SEMA6D: variants seen among roughly 807,000 people sequenced by gnomAD.
SEMA6D encodes semaphorin 6D.
SEMA6D carries 35 observed loss-of-function variants against 106.6 expected under a neutral mutation model. The ratio of observed to expected loss-of-function variants is 0.33; its 90% CI spans 0.25 to 0.44. SEMA6D has a LOEUF of 0.44. Among genes scored for constraint, SEMA6D ranks in the 20% least tolerant of loss-of-function variants. The pLI is 1.00. For missense variants in SEMA6D, 1,185 were observed against 1,345.9 expected (o/e 0.88, Z 1.87); for synonymous variants, 499 against 487.7 (o/e 1.02, Z -0.31).
intron 1 of SEMA6D, among the ~76,000 whole-genome samples, chr15:47,720,213 T>G (rs1022071486): frequency 6.8e-6 from 1 of 148,022 alleles, no homozygotes; most frequent in African/African-American, 2.4e-5. Context: ...CTACAGAATA[T>G]TCCTACCTGG....
chr15:47,193,474 C>T (rs1015966108), intron 1 of SEMA6D, among the ~76,000 whole-genome samples: 1 of 152,078 alleles, frequency 6.6e-6, no homozygotes, highest in African/African-American at 2.4e-5. Context: ...CTTGTAATCT[C>T]AAGAATAAGG....
At chr15:47,501,115 T>C (rs2043833946) in intron 3 of SEMA6D, among the ~76,000 whole-genome samples, 1 of 152,006 alleles carries the variant, frequency 6.6e-6, no homozygotes, top group Non-Finnish European at 1.5e-5. Flanking sequence ...CAGAAAAAAA[T>C]ATTTTCTCCT....
chr15:47,288,248 T>C (rs2142752674), intron 1 of SEMA6D, among the ~76,000 whole-genome samples: 1 of 152,258 alleles, frequency 6.6e-6, no homozygotes, highest in East Asian at 1.9e-4. Context: ...TCCATTTCTA[T>C]CTTGGCTTGC....
intron 3 of SEMA6D, among the ~76,000 whole-genome samples, chr15:47,555,370 A>G (rs983574647): frequency 1.3e-5 from 2 of 152,168 alleles, no homozygotes; most frequent in Admixed American, 1.3e-4. Context: ...CATTCATGCC[A>G]TGAAAACTGA....
At chr15:47,198,986 G>A (rs539718593) in intron 1 of SEMA6D, among the ~76,000 whole-genome samples, 1 of 152,298 alleles carries the variant, frequency 6.6e-6, no homozygotes, top group Non-Finnish European at 1.5e-5. Context: ...GGAAAAAGAT[G>A]TGGAAGAGAA....
intron 3 of SEMA6D, among the ~76,000 whole-genome samples, chr15:47,541,664 T>C (rs2045359057): frequency 6.6e-6 from 1 of 152,184 alleles, no homozygotes; most frequent in Admixed American, 6.5e-5. Context: ...AAAAACAGAA[T>C]CCTGTATCTA....
At chr15:47,228,565 A>G (rs976670905) in intron 1 of SEMA6D, among the ~76,000 whole-genome samples, 15 of 151,982 alleles carry the variant, frequency 9.9e-5, no homozygotes, top group Non-Finnish European at 1.5e-4. Context: ...TCACTGTTAC[A>G]TTGCAGGTAA....
At chr15:47,662,111 T>C (rs2077933028) in intron 4 of SEMA6D, among the ~76,000 whole-genome samples, 1 of 152,084 alleles carries the variant, frequency 6.6e-6, no homozygotes, top group East Asian at 1.9e-4. Flanking sequence ...GTCTGCGGTG[T>C]CTGGGAAAGC....
intron 3 of SEMA6D, among the ~76,000 whole-genome samples, chr15:47,518,519 C>T (rs747999207): frequency 1.3e-5 from 2 of 152,186 alleles, no homozygotes; most frequent in Non-Finnish European, 2.9e-5. Context: ...CCCATTGCTC[C>T]TCAGCTACAA....
chr15:47,203,821 C>T (rs959895521), intron 1 of SEMA6D, among the ~76,000 whole-genome samples: 3 of 152,162 alleles, frequency 2.0e-5, no homozygotes. Flanking sequence ...GTTTTGTGGA[C>T]ATGAAAATCC....
chr15:47,548,939 A>G (rs767802186), intron 3 of SEMA6D, among the ~76,000 whole-genome samples: 1 of 152,084 alleles, frequency 6.6e-6, no homozygotes, highest in Non-Finnish European at 1.5e-5. Flanking sequence ...ATTATCATCA[A>G]TATTATTAAT....
At chr15:47,608,164 C>T (rs1476433703) in intron 4 of SEMA6D, among the ~76,000 whole-genome samples, 1 of 152,082 alleles carries the variant, frequency 6.6e-6, no homozygotes, top group Non-Finnish European at 1.5e-5. Flanking sequence ...GAATTTTCTG[C>T]CGTTTCCTTA....
intron 3 of SEMA6D, among the ~76,000 whole-genome samples, chr15:47,595,686 G>A (rs2076522172): frequency 6.6e-6 from 1 of 152,114 alleles, no homozygotes; most frequent in Non-Finnish European, 1.5e-5. Context: ...AATGACCCAT[G>A]AAGTCATCAA....
In SEMA6D at chr15:47,730,782, G is replaced by A. The variant is rs368493230; in HGVS notation, c.-55+13090G>A. 60 of 1,594,752 alleles carry A rather than the reference G, an allele frequency of 3.8e-5. No individual in the cohort carries two copies. The East Asian group carries it at 7.1e-4, about 19-fold the overall frequency. On this transcript the variant is annotated intron_variant, in intron 1 of 18. Coordinates refer to ENST00000536845, the MANE Select transcript of SEMA6D (RefSeq NM_001358351.3). The stretch of plus-strand genomic sequence containing the variant: ...TATAGTGGGGCCATTTCACAAAGCG[G>A]GTGAGGTCTCTTTTGGGCTGGATGT...
intron 2 of SEMA6D, among the ~76,000 whole-genome samples, chr15:47,450,686 G>T (rs956444697): frequency 1.3e-5 from 2 of 152,048 alleles, no homozygotes; most frequent in African/African-American, 4.8e-5. Context: ...AGGGTAGTTT[G>T]ACTTAAGGGA....
Position 47,746,984 on chromosome 15 carries a change from G to GTATATATATATATATATATATATATATA in SEMA6D, c.-54-12742_-54-12741insATATATATATATATATATATATATATAT, listed in dbSNP as rs3985864. ...ACAGTCTCCTGCTGTGTGTGTGTGT[G>GTATATATATATATATATATATATATATA]TATATATATATATATATATTTCGAT... On this transcript the variant is annotated intron_variant, in intron 1 of 18. Transcript: ENST00000536845. Among the ~76,000 whole-genome samples the GTATATATATATATATATATATATATATA allele has an allele frequency of 3.8e-3, 466 of 121,890 alleles. 8 individuals carry two copies. Among genetic ancestry groups the GTATATATATATATATATATATATATATA allele is most frequent in the Non-Finnish European group, 6.1e-3 (334 of 54,546 alleles). 80.0% of individuals were successfully genotyped at this position (121,890 alleles called of 152,430 possible). A position where few individuals can be genotyped will look rare whatever the true frequency, so the allele number is the denominator to read the frequency against.
intron 4 of SEMA6D, among the ~76,000 whole-genome samples, chr15:47,682,260 C>T (rs926992037): frequency 7.2e-5 from 11 of 151,910 alleles, no homozygotes; most frequent in Admixed American, 2.0e-4. Flanking sequence ...CTCCGCCTCC[C>T]GGGTTCATGC....
At chr15:47,413,852 T>C (rs1374427508) in intron 2 of SEMA6D, among the ~76,000 whole-genome samples, 1 of 152,154 alleles carries the variant, frequency 6.6e-6, no homozygotes, top group Non-Finnish European at 1.5e-5. Context: ...CATGGTGCAC[T>C]GAGCAAAATG....
chr15:47,288,423 A>T (rs1305413327), intron 1 of SEMA6D, among the ~76,000 whole-genome samples: 1 of 152,150 alleles, frequency 6.6e-6, no homozygotes, highest in Admixed American at 6.6e-5. Flanking sequence ...AATCCTCACA[A>T]TATCTCTTTA....
Sources: allele counts gnomAD v4.1 joint callset (sites outside exome capture counted in the v4.1 genomes callset), GRCh38; gene constraint gnomAD v4.1.1; transcripts MANE v1.5; gene names NCBI Gene and HGNC (gene_info 2026-07-23, HGNC 2026-07-21).